CTTNBP2: variants seen among roughly 807,000 people sequenced by gnomAD.
The protein encoded by CTTNBP2 is cortactin-binding protein 2.
A neutral mutation model predicts 156.9 loss-of-function variants in CTTNBP2; 108 were observed. The ratio of observed to expected loss-of-function variants is 0.69; its 90% confidence interval spans 0.59 to 0.81. The LOEUF is 0.81. Among genes scored for constraint, CTTNBP2 ranks in the 30% least tolerant of loss-of-function variants. The pLI is 0.00. For missense variants in CTTNBP2, 1,924 were observed against 2,035.4 expected (o/e 0.95, Z 1.05); for synonymous variants, 767 against 751.8 (o/e 1.02, Z -0.33).
At chr7:117,753,764 TG>T (rs59970345) in intron 12 of CTTNBP2, among the ~76,000 whole-genome samples, 31,969 of 151,098 alleles carry the variant, frequency 0.21, 3,742 homozygotes, top group Non-Finnish European at 0.22. Flanking sequence ...CCTGTCACAG[TG>T]GGGGCTGGCG....
chr7:117,752,122 G>A (rs1259073151), intron 12 of CTTNBP2, among the ~76,000 whole-genome samples: 1 of 152,132 alleles, frequency 6.6e-6, no homozygotes, highest in East Asian at 1.9e-4. Context: ...ATTTTTATAG[G>A]AAAGTAGCAA....
At chr7:117,762,833 C>T (rs1012955165) in intron 9 of CTTNBP2, among the ~76,000 whole-genome samples, 1 of 152,224 alleles carries the variant, frequency 6.6e-6, no homozygotes, top group Non-Finnish European at 1.5e-5. Context: ...TGCTCTGACC[C>T]GTCTTCCTGC....
intron 1 of CTTNBP2, among the ~76,000 whole-genome samples, chr7:117,872,569 G>T (rs144823095): frequency 4.7e-4 from 72 of 152,270 alleles, no homozygotes; most frequent in African/African-American, 1.7e-3. Context: ...GTGAAAGTAA[G>T]GACCAGTCAA....
rs753074745 is a variant in CTTNBP2, at chr7:117,777,611, G to A, written c.2678C>T (p.Pro893Leu). Residue 893 changes from proline (P) to leucine (L), a missense_variant, in exon 8 of 23, where the codon CCT becomes CTT. Coordinates refer to ENST00000160373, the MANE Select transcript of CTTNBP2 (RefSeq NM_033427.3). The part of the protein sequence containing the change: ...VFDLDGGEES[P>L]EGISKPVVPA... The stretch of plus-strand genomic sequence containing the variant: ...AACAACAGGCTTGGATATGCCTTCA[G>A]GACTCTCTTCTCCTCCATCCAAGTC... The A allele has an allele frequency of 6.2e-7, 1 of 1,613,928 alleles. No individual in the cohort carries two copies. Among genetic ancestry groups the A allele is most frequent in the Non-Finnish European group, 8.5e-7 (1 of 1,179,920 alleles).
rs558033687 is a variant in CTTNBP2 at position 117,746,312 on chromosome 7, T to TA, written c.3349-214dup. Among the ~76,000 whole-genome samples, 43 of 152,222 alleles carry TA rather than the reference T, an allele frequency of 2.8e-4. 1 individual carries two copies. The South Asian group carries it at 5.6e-3, about 20-fold the overall frequency. ...GTACTTAGCAAGAGCTGATACTTTA[T>TA]AAAAAAACACATTTTTTCCCTCTAT... On this transcript the variant is annotated intron_variant, in intron 12 of 22. Coordinates refer to ENST00000160373, the MANE Select transcript of CTTNBP2 (RefSeq NM_033427.3).
intron 7 of CTTNBP2, among the ~76,000 whole-genome samples, chr7:117,779,463 G>T (rs1432696576): frequency 1.3e-5 from 2 of 151,994 alleles, no homozygotes; most frequent in Non-Finnish European, 2.9e-5. Flanking sequence ...GGATTTCTGT[G>T]TTCTCTAACT....
In CTTNBP2 at chr7:117,777,754, T is replaced by C. The variant is rs1230887897; in HGVS notation, c.2535A>G (p.Thr845=). The change falls in exon 8 of 23, where the codon ACA becomes ACG. Residue 845 remains threonine (T), a synonymous_variant. Coordinates refer to ENST00000160373, the MANE Select transcript of CTTNBP2 (RefSeq NM_033427.3). ...CAGTGTCCACAGCTGCGTGAACTGG[T>C]GTCCAGCCATCCTGAAAATAAAATG... The part of the protein sequence containing the change: ...NRSVKTTDGW[T]PVHAAVDTGN... The C allele has an allele frequency of 2.5e-6, 4 of 1,604,736 alleles. No individual in the cohort carries two copies. The highest frequency in any genetic ancestry group is 1.3e-5 in the African/African-American group (1 of 74,650).
At chr7:117,720,520 G>A (rs1203437656) in intron 20 of CTTNBP2, among the ~76,000 whole-genome samples, 3 of 151,838 alleles carry the variant, frequency 2.0e-5, no homozygotes, top group Admixed American at 1.3e-4. Context: ...ATGGTGAAAC[G>A]CCGTCTCTAC....
intron 14 of CTTNBP2, among the ~76,000 whole-genome samples, chr7:117,744,660 C>A (rs1229752279): frequency 6.6e-6 from 1 of 152,076 alleles, no homozygotes; most frequent in Non-Finnish European, 1.5e-5. Flanking sequence ...CCAAGGCAGG[C>A]AGATTGTTTG....
At chr7:117,778,648 T>C (rs1798241193) in intron 7 of CTTNBP2, among the ~76,000 whole-genome samples, 1 of 152,204 alleles carries the variant, frequency 6.6e-6, no homozygotes, top group African/African-American at 2.4e-5. Flanking sequence ...CAGGAGATTC[T>C]AATACACTAA....
At chr7:117,810,660 C>CAA in intron 3 of CTTNBP2, 105 bp downstream of exon 3, 2 of 881,902 alleles carry the variant, frequency 2.3e-6, no homozygotes, top group Non-Finnish European at 3.7e-6. Context: ...GTACTTATTG[C>CAA]AATCCTGTCT....
At chr7:117,781,541 C>T (rs1046561024) in intron 6 of CTTNBP2, among the ~76,000 whole-genome samples, 4 of 152,326 alleles carry the variant, frequency 2.6e-5, no homozygotes, top group African/African-American at 9.6e-5. Context: ...GAGATCCAGA[C>T]CATTCTGGCC....
chr7:117,724,764 G>A, intron 18 of CTTNBP2, 32 bp from the exon 19 acceptor site: 1 of 1,606,548 alleles, frequency 6.2e-7, no homozygotes, highest in Non-Finnish European at 8.5e-7. Flanking sequence ...CAGGGATAAT[G>A]CAGTTTCACT....
At chr7:117,785,483 G>A (rs551604554) in intron 4 of CTTNBP2, among the ~76,000 whole-genome samples, 1 of 152,188 alleles carries the variant, frequency 6.6e-6, no homozygotes, top group African/African-American at 2.4e-5. Context: ...TAACATTGTT[G>A]TGCATATGTA....
At chr7:117,854,909 CAA>C (rs1374338289) in intron 2 of CTTNBP2, among the ~76,000 whole-genome samples, 1 of 152,154 alleles carries the variant, frequency 6.6e-6, no homozygotes, top group Admixed American at 6.5e-5. Flanking sequence ...CTCAACCTCT[CAA>C]GTAGCTGGGA....
At chr7:117,838,239 A>G (rs1802066168) in intron 2 of CTTNBP2, among the ~76,000 whole-genome samples, 1 of 152,216 alleles carries the variant, frequency 6.6e-6, no homozygotes, top group African/African-American at 2.4e-5. Context: ...AGCAATCACC[A>G]GGAAAAATAA....
chr7:117,845,639 T>C (rs1361898401), intron 2 of CTTNBP2, among the ~76,000 whole-genome samples: 2 of 152,238 alleles, frequency 1.3e-5, no homozygotes, highest in African/African-American at 2.4e-5. Context: ...CCAATGCTCA[T>C]TGAGATGACA....
At chr7:117,848,754 T>C (rs1024484171) in intron 2 of CTTNBP2, among the ~76,000 whole-genome samples, 1 of 152,214 alleles carries the variant, frequency 6.6e-6, no homozygotes, top group African/African-American at 2.4e-5. Context: ...GAAGAAAAGG[T>C]CTTATTATTA....
chr7:117,710,974 A>C lies in CTTNBP2; in HGVS notation c.*563T>G, dbSNP rs1249275598. 3 of 152,682 alleles carry C rather than the reference A, an allele frequency of 2.0e-5. No homozygotes were observed. Among genetic ancestry groups the C allele is most frequent in the African/African-American group, 7.2e-5 (3 of 41,466 alleles). 9.5% of individuals were successfully genotyped at this position (152,682 alleles called of 1,614,324 possible). On this transcript the variant is annotated 3_prime_UTR_variant, in exon 23 of 23. Coordinates refer to ENST00000160373, the MANE Select transcript of CTTNBP2 (RefSeq NM_033427.3). ...ATGTAACCACTAAGAGATTTAAAAC[A>C]TAAAACTAGAATTTAACAAGCAAAA...
Sources: allele counts gnomAD v4.1 joint callset (sites outside exome capture counted in the v4.1 genomes callset), GRCh38; gene constraint gnomAD v4.1.1; transcripts MANE v1.5; gene names NCBI Gene and HGNC (gene_info 2026-07-23, HGNC 2026-07-21).